The following KCNT1 variants were observed in gnomAD, a reference collection of about 807,000 sequenced individuals.
KCNT1 encodes potassium sodium-activated channel subfamily T member 1, also known as potassium channel subfamily T member 1.
A neutral mutation model predicts 147.8 loss-of-function variants in KCNT1; 78 were observed. The ratio of observed to expected loss-of-function variants is 0.53; its 90% confidence interval spans 0.44 to 0.64. The LOEUF (loss-of-function observed/expected upper bound fraction) is 0.64. Among genes scored for constraint, KCNT1 ranks in the 30% least tolerant of loss-of-function variants. The pLI, the probability that KCNT1 is intolerant of heterozygous loss-of-function variation, is 0.00. For synonymous variants in KCNT1, 867 were observed against 748.8 expected, an observed-to-expected ratio of 1.16 and a Z score of -2.58; for missense variants, 1,419 against 1,750.3, an observed-to-expected ratio of 0.81 and a Z score of 3.38.
intron 2 of KCNT1, among the ~76,000 whole-genome samples, chr9:135,744,620 C>T (rs1830721793): frequency 6.6e-6 from 1 of 152,262 alleles, no homozygotes; most frequent in Non-Finnish European, 1.5e-5. Context: ...CAGCGGGCTT[C>T]AGCCGTGTAG....
chr9:135,788,565 T>G (rs1386869210), intron 29 of KCNT1, among the ~76,000 whole-genome samples: 2 of 152,180 alleles, frequency 1.3e-5, no homozygotes, highest in Non-Finnish European at 2.9e-5. Context: ...CTGAGGACCC[T>G]AAGCTCCTCT....
At chr9:135,706,045 T>C (rs1835241976) in intron 1 of KCNT1, among the ~76,000 whole-genome samples, 1 of 152,164 alleles carries the variant, frequency 6.6e-6, no homozygotes, top group African/African-American at 2.4e-5. Context: ...GAGGAGCTTC[T>C]GGGAACTGTG....
chr9:135,782,116 A>G (rs1288795046), intron 24 of KCNT1, among the ~76,000 whole-genome samples: 1 of 152,180 alleles, frequency 6.6e-6, no homozygotes, highest in Non-Finnish European at 1.5e-5. Context: ...GGGCAGGAGA[A>G]TTGTTTGAAC....
Position 135,752,417 on chromosome 9 carries a change from G to A in KCNT1, c.434+1376G>A, listed in dbSNP as rs1459916018. 6 of 456,398 alleles carry A rather than the reference G, an allele frequency of 1.3e-5. No homozygotes were observed. Among genetic ancestry groups the A allele is most frequent in the South Asian group, 9.3e-5 (6 of 64,562 alleles). 28.3% of individuals were successfully genotyped at this position (456,398 alleles called of 1,614,324 possible). A position where few individuals can be genotyped will look rare whatever the true frequency, so the allele number is the denominator to read the frequency against. The stretch of plus-strand genomic sequence containing the variant: ...AGAACCCACTAGGAGAGTTTGAGAA[G>A]GAGAACTGGGCCCTGACTGACTCTC... On this transcript the variant is annotated intron_variant, in intron 4 of 30. Transcript: ENST00000371757. The surrounding 1 kb of genome is among the most constrained non-coding windows in gnomAD (Gnocchi z 5.1).
chr9:135,727,703 T>C (rs951739822), intron 2 of KCNT1, among the ~76,000 whole-genome samples: 2 of 152,196 alleles, frequency 1.3e-5, no homozygotes, highest in Non-Finnish European at 2.9e-5. Context: ...CCCCAGCCCC[T>C]GGGTACTGCT....
intron 2 of KCNT1, chr9:135,736,662 G>T (rs1233547904): frequency 3.7e-6 from 1 of 272,060 alleles, no homozygotes; most frequent in Non-Finnish European, 6.8e-6. Flanking sequence ...CGCGCTCGCC[G>T]TCCGAGGGCA....
intron 24 of KCNT1, among the ~76,000 whole-genome samples, chr9:135,783,551 C>T (rs891533020): frequency 3.9e-5 from 6 of 152,222 alleles, no homozygotes; most frequent in Non-Finnish European, 5.9e-5. Flanking sequence ...TCAGTGGGTC[C>T]ATTGCAAGCC....
chr9:135,738,131 C>T (rs1354711423), intron 2 of KCNT1, among the ~76,000 whole-genome samples: 1 of 152,198 alleles, frequency 6.6e-6, no homozygotes, highest in Non-Finnish European at 1.5e-5. Flanking sequence ...TCTGAGCCCG[C>T]AGTGCAGTGC....
chr9:135,786,034 C>T (rs1834016970), intron 28 of KCNT1, 163 bp from the exon 29 acceptor site: 12 of 626,604 alleles, frequency 1.9e-5, no homozygotes, highest in Admixed American at 1.5e-4. Context: ...AAGGCACATG[C>T]ACCCTGGGGT....
rs1203154031 is a variant in KCNT1, at chr9:135,793,427, G to C, written c.*1266G>C. The C allele has an allele frequency of 6.6e-6, 1 of 152,256 alleles. No individual in the cohort carries two copies. Among genetic ancestry groups the C allele is most frequent in the Non-Finnish European group, 1.5e-5 (1 of 68,050 alleles). The allele number at this position is 152,256 out of a possible 1,614,324, so 9.4% of individuals were successfully genotyped here. On this transcript the variant is annotated 3_prime_UTR_variant, in exon 31 of 31. Transcript: ENST00000371757. ...CCCATCAGCCTCACCCCTGCAGCCA[G>C]GCATGTCCCTGGGGTGGGCACAGAG... is the stretch of plus-strand genomic sequence containing the variant.
rs952630428 is a variant in KCNT1 at position 135,775,566 on chromosome 9, G to A, written c.2349+151G>A. 1.2e-5 allele frequency: 7 copies of A among 591,336 alleles called. No individual in the cohort carries two copies. In the African/African-American group the frequency reaches 1.3e-4, roughly 11 times the overall value. The allele number at this position is 591,336 out of a possible 1,614,324, so 36.6% of individuals were successfully genotyped here. ...AAGAATTCTGCAAGGGAGAGCCACA[G>A]ATCCTTCACCCAGATTCAGCAGACG... On this transcript the variant is annotated intron_variant, in intron 20 of 30. Transcript: ENST00000371757.
chr9:135,745,908 G>A (rs549357401), intron 2 of KCNT1, among the ~76,000 whole-genome samples: 1 of 152,184 alleles, frequency 6.6e-6, no homozygotes. Context: ...AACCTCTGCC[G>A]CAGCAAGGAG....
intron 21 of KCNT1, among the ~76,000 whole-genome samples, chr9:135,778,020 C>T (rs1833308292): frequency 7.3e-6 from 1 of 137,818 alleles, no homozygotes; most frequent in Non-Finnish European, 1.6e-5. Context: ...GCTCCTCCCA[C>T]TCTGGTCCTC....
chr9:135,788,067 TTCTG>T (rs750245562), intron 29 of KCNT1: 6 of 1,524,020 alleles, frequency 3.9e-6, no homozygotes, highest in Non-Finnish European at 5.5e-6. Flanking sequence ...CTCTCTCTCT[TTCTG>T]TCTGTGCCTC....
intron 2 of KCNT1, among the ~76,000 whole-genome samples, chr9:135,731,958 G>GTATATATATA (rs1564327715): frequency 1.7e-4 from 6 of 35,538 alleles, no homozygotes; most frequent in Non-Finnish European, 1.6e-4. Context: ...TCAAATATGC[G>GTATATATATA]TGTATATATA....
chr9:135,758,571 G>T (rs376382264), intron 10 of KCNT1, 63 bp downstream of exon 10: 1 of 1,323,734 alleles, frequency 7.6e-7, no homozygotes, highest in Non-Finnish European at 1.1e-6. Context: ...GGCAAGCAGG[G>T]CCGGGCGAGG....
At position 135,738,947 on chromosome 9, in the gene KCNT1, G is replaced by A. The variant is rs149262191; in HGVS notation, c.255-11151G>A. ...TTTTGAGTAAAAGTGCCCAATGGGG[G>A]GACAGGGCCTCTCAGTGAGACCCCG... On this transcript the variant is annotated intron_variant, in intron 2 of 30. Transcript: ENST00000371757. Among the ~76,000 whole-genome samples the A allele has an allele frequency of 9.5e-4, 144 of 152,230 alleles. No homozygotes were observed. In the East Asian group the frequency reaches 0.023, roughly 25 times the overall value.
At chr9:135,777,611 A>G in intron 21 of KCNT1, 101 bp downstream of exon 21, 2 of 1,126,624 alleles carry the variant, frequency 1.8e-6, no homozygotes, top group Non-Finnish European at 2.5e-6. Context: ...TGCAGAGGGC[A>G]CGGGAACATG....
intron 2 of KCNT1, among the ~76,000 whole-genome samples, chr9:135,725,706 G>A (rs980840346): frequency 3.9e-5 from 6 of 152,242 alleles, no homozygotes; most frequent in Non-Finnish European, 8.8e-5. Context: ...GGGCCACTAA[G>A]GAGGTTCCCA....
Sources: allele counts gnomAD v4.1 joint callset (sites outside exome capture counted in the v4.1 genomes callset), GRCh38; gene constraint gnomAD v4.1.1; non-coding constraint Gnocchi (gnomAD v3.1); transcripts MANE v1.5; gene names NCBI Gene and HGNC (gene_info 2026-07-23, HGNC 2026-07-21).